Variants in MMP26 observed in about 807,000 individuals in gnomAD.
MMP26 encodes matrix metalloproteinase-26.
Under a neutral mutation model 31.0 loss-of-function variants are expected in MMP26, and 33 were observed. The observed-to-expected ratio is 1.06, with a 90% CI of 0.81 to 1.42. The LOEUF is 1.42. Ranked by LOEUF, MMP26 falls within the 40% of genes most tolerant of loss-of-function variation. MMP26 has a pLI of 0.00. For missense variants in MMP26, 347 were observed against 316.1 expected (o/e 1.10, Z -0.74); for synonymous variants, 122 against 114.9 (o/e 1.06, Z -0.40).
chr11:4,866,125 C>T (rs1011512662), intron 2 of MMP26, among the ~76,000 whole-genome samples: 2 of 151,748 alleles, frequency 1.3e-5, no homozygotes, highest in Non-Finnish European at 2.9e-5. Flanking sequence ...TACTCATGGG[C>T]GATTCCTAGG....
intron 2 of MMP26, among the ~76,000 whole-genome samples, chr11:4,967,482 A>G (rs1234159700): frequency 2.0e-5 from 3 of 152,196 alleles, no homozygotes; most frequent in African/African-American, 4.8e-5. Context: ...TTCATTTGCA[A>G]TACCTAGAGA....
At chr11:4,941,067 T>G in intron 2 of MMP26, among the ~76,000 whole-genome samples, 1 of 45,580 alleles carries the variant, frequency 2.2e-5, no homozygotes, top group Non-Finnish European at 5.2e-5. Context: ...GAATGATTTT[T>G]TAATATACAT....
At chr11:4,754,211 G>T (rs1205039512) in intron 1 of MMP26, among the ~76,000 whole-genome samples, 1 of 150,356 alleles carries the variant, frequency 6.7e-6, no homozygotes, top group Admixed American at 6.7e-5. Flanking sequence ...GAAACAAAAA[G>T]ATGCTAAAGC....
intron 1 of MMP26, among the ~76,000 whole-genome samples, chr11:4,759,696 A>G (rs1848548621): frequency 6.6e-6 from 1 of 152,188 alleles, no homozygotes; most frequent in Admixed American, 6.5e-5. Context: ...GATTAGTGGG[A>G]GAGAAACAAC....
intron 1 of MMP26, among the ~76,000 whole-genome samples, chr11:4,715,340 TAA>T (rs58818646): frequency 2.1e-5 from 3 of 144,894 alleles, no homozygotes; most frequent in African/African-American, 5.0e-5. Context: ...TTTTTTCCTG[TAA>T]AAAAAAAAAA....
At chr11:4,824,991 T>C (rs1050325292) in intron 2 of MMP26, among the ~76,000 whole-genome samples, 12 of 152,124 alleles carry the variant, frequency 7.9e-5, no homozygotes, top group Non-Finnish European at 4.4e-5. Flanking sequence ...GTAAATAAGC[T>C]GTTTTCTCCA....
At chr11:4,990,321 T>A (rs1846978675) in intron 4 of MMP26, among the ~76,000 whole-genome samples, 1 of 152,204 alleles carries the variant, frequency 6.6e-6, no homozygotes, top group Non-Finnish European at 1.5e-5. Flanking sequence ...TTTATTTACT[T>A]ATTTTTCCCC....
At chr11:4,752,047 T>G (rs1174812171) in intron 1 of MMP26, 1 of 152,166 alleles carries the variant, frequency 6.6e-6, no homozygotes, top group East Asian at 1.9e-4. Context: ...ATGAATTCCC[T>G]TGGAACATAC....
intron 2 of MMP26, among the ~76,000 whole-genome samples, chr11:4,779,139 A>C (rs1261528682): frequency 6.6e-6 from 1 of 152,022 alleles, no homozygotes; most frequent in Non-Finnish European, 1.5e-5. Context: ...TCTCGGATAC[A>C]AAGTTAAGTA....
intron 2 of MMP26, among the ~76,000 whole-genome samples, chr11:4,796,002 G>T (rs1849103632): frequency 6.6e-6 from 1 of 151,966 alleles, no homozygotes; most frequent in Admixed American, 6.6e-5. Flanking sequence ...TTTCCCTTTG[G>T]AGCCCATTAT....
Position 4,785,135 on chromosome 11 carries a change from A to G in MMP26, c.-145+17794A>G, listed in dbSNP as rs78596644. Reference sequence around the variant, plus strand: ...TACAGTCTGCTACCCTCAGGCCTCTAGTAAGATAACCAACCATCCCAGTTT... The same window carrying G: ...TACAGTCTGCTACCCTCAGGCCTCTGGTAAGATAACCAACCATCCCAGTTT... On this transcript the variant is annotated intron_variant, in intron 2 of 7. Transcript: ENST00000380390. Among the ~76,000 whole-genome samples, 329 of 152,302 alleles carry G rather than the reference A, an allele frequency of 2.2e-3. 3 individuals are homozygous for G. Among genetic ancestry groups the G allele is most frequent in the Non-Finnish European group, 2.5e-3 (173 of 68,024 alleles).
intron 2 of MMP26, among the ~76,000 whole-genome samples, chr11:4,833,908 C>A (rs1849680111): frequency 6.6e-6 from 1 of 152,152 alleles, no homozygotes; most frequent in Non-Finnish European, 1.5e-5. Flanking sequence ...CTCTCACTAA[C>A]TATACTGTAA....
intron 2 of MMP26, chr11:4,769,833 T>C (rs1848691382): frequency 6.2e-7 from 1 of 1,612,842 alleles, no homozygotes. Flanking sequence ...GGAATGGAGA[T>C]CCAGACATGG....
chr11:4,896,270 C>T (rs141407352), intron 2 of MMP26, among the ~76,000 whole-genome samples: 6 of 152,218 alleles, frequency 3.9e-5, no homozygotes, highest in East Asian at 1.9e-4. Flanking sequence ...TTTATTCTAG[C>T]GCTTTCTCTG....
At chr11:4,934,020 G>T (rs1367092036) in intron 2 of MMP26, among the ~76,000 whole-genome samples, 1 of 143,358 alleles carries the variant, frequency 7.0e-6, no homozygotes, top group South Asian at 2.4e-4. Context: ...TGTGAATAAT[G>T]CCGCAATAAA....
chr11:4,773,595 GTT>G (rs3065888), intron 2 of MMP26, among the ~76,000 whole-genome samples: 30 of 108,334 alleles, frequency 2.8e-4, no homozygotes, highest in Admixed American at 7.6e-4. Flanking sequence ...TGTTTGTGGG[GTT>G]TTTTTTTTTT....
chr11:4,985,554 GGATATA>G (rs1219476040), intron 2 of MMP26, among the ~76,000 whole-genome samples: 1 of 151,720 alleles, frequency 6.6e-6, no homozygotes, highest in Non-Finnish European at 1.5e-5. Context: ...ACATTAACTG[GGATATA>G]GCACTCGCAT....
chr11:4,882,499 G>A, intron 2 of MMP26: 1 of 1,613,740 alleles, frequency 6.2e-7, no homozygotes, highest in Non-Finnish European at 8.5e-7. Flanking sequence ...GCAGTTTTTG[G>A]GGACTGTTTC....
chr11:4,798,010 A>G (rs1849129995), intron 2 of MMP26, among the ~76,000 whole-genome samples: 1 of 152,226 alleles, frequency 6.6e-6, no homozygotes. Flanking sequence ...GATTACATTG[A>G]CTTCACATGC....
Sources: allele counts gnomAD v4.1 joint callset (sites outside exome capture counted in the v4.1 genomes callset), GRCh38; gene constraint gnomAD v4.1.1; transcripts MANE v1.5; gene names NCBI Gene and HGNC (gene_info 2026-07-23, HGNC 2026-07-21).